CCDC73: variants seen among roughly 807,000 people sequenced by gnomAD.
CCDC73 encodes coiled-coil domain-containing protein 73.
A neutral mutation model predicts 116.5 loss-of-function variants in CCDC73; 95 were observed. The ratio of observed to expected loss-of-function variants is 0.82; its 90% CI spans 0.69 to 0.97. The LOEUF (loss-of-function observed/expected upper bound fraction) is 0.97. Among genes scored for constraint, CCDC73 ranks in the 50% least tolerant of loss-of-function variants. The pLI, the probability that CCDC73 is intolerant of heterozygous loss-of-function variation, is 0.00. For synonymous variants in CCDC73, 398 were observed against 401.3 expected (o/e 0.99, Z 0.10); for missense variants, 1,066 against 1,206.8 (o/e 0.88, Z 1.73).
At chr11:32,619,233 C>T (rs759801205) in intron 14 of CCDC73, among the ~76,000 whole-genome samples, 1 of 151,986 alleles carries the variant, frequency 6.6e-6, no homozygotes, top group African/African-American at 2.4e-5. Context: ...GTCATAAATT[C>T]TTTCCCAAGG....
At chr11:32,695,313 G>A (rs1391407104) in intron 6 of CCDC73, among the ~76,000 whole-genome samples, 3 of 151,096 alleles carry the variant, frequency 2.0e-5, no homozygotes, top group Non-Finnish European at 4.4e-5. Flanking sequence ...AAGTTGCAAT[G>A]AGCCGAGATC....
rs187631373 is a variant in CCDC73, at chr11:32,675,642, G to A, written c.568C>T (p.Arg190Trp). 413 of 1,582,292 alleles carry A rather than the reference G, an allele frequency of 2.6e-4. No homozygotes were observed. In the African/African-American group the frequency reaches 4.7e-3, roughly 18 times the overall value. ...ENHEKLEQNV[R>W]EAIQSNKRLS... Reference sequence around the variant, plus strand: ...CTTTTGTTTGATTGTATTGCTTCCCGTACTGCAACATGAAAGACATTTAAG... The same window carrying A: ...CTTTTGTTTGATTGTATTGCTTCCCATACTGCAACATGAAAGACATTTAAG... The change falls in exon 9 of 18, where the codon CGG (arginine) becomes TGG (tryptophan). Residue 190 changes from arginine to tryptophan, a missense_variant and splice_region_variant. Arg to Trp is a moderately radical substitution (Grantham distance 101). Transcript: ENST00000335185.
intron 6 of CCDC73, among the ~76,000 whole-genome samples, chr11:32,695,387 C>T (rs559443783): frequency 1.0e-4 from 15 of 146,086 alleles, no homozygotes; most frequent in African/African-American, 3.7e-4. Context: ...AAAAAAAGAG[C>T]TTGCCTACAG....
chr11:32,703,829 T>C (rs961836586), intron 3 of CCDC73, among the ~76,000 whole-genome samples: 4 of 152,384 alleles, frequency 2.6e-5, no homozygotes, highest in Admixed American at 2.6e-4. Context: ...CTATTCTAGA[T>C]GACTTTAACA....
intron 2 of CCDC73, among the ~76,000 whole-genome samples, chr11:32,757,088 T>C (rs949365101): frequency 3.3e-5 from 5 of 152,144 alleles, no homozygotes; most frequent in Non-Finnish European, 7.4e-5. Context: ...ATGGTACATT[T>C]ATATTATAGA....
At chr11:32,652,440 G>C (rs150012752) in intron 12 of CCDC73, among the ~76,000 whole-genome samples, 191 of 152,260 alleles carry the variant, frequency 1.3e-3, no homozygotes, top group African/African-American at 4.5e-3. Flanking sequence ...CCTTTCTACA[G>C]CATTTCAAGC....
At chr11:32,650,612 CT>C (rs1205416539) in intron 12 of CCDC73, among the ~76,000 whole-genome samples, 1 of 152,048 alleles carries the variant, frequency 6.6e-6, no homozygotes, top group African/African-American at 2.4e-5. Flanking sequence ...TTCAGAGAAA[CT>C]TTTTTTGCTA....
chr11:32,783,460 A>G (rs1850600172), intron 1 of CCDC73, among the ~76,000 whole-genome samples: 1 of 152,172 alleles, frequency 6.6e-6, no homozygotes, highest in Admixed American at 6.5e-5. Context: ...AGATGACTAT[A>G]ACAAAATATC....
intron 12 of CCDC73, among the ~76,000 whole-genome samples, chr11:32,650,889 A>G (rs1295779226): frequency 6.6e-6 from 1 of 152,230 alleles, no homozygotes; most frequent in Non-Finnish European, 1.5e-5. Flanking sequence ...CAGGGAAAAA[A>G]GTGCTACTAA....
intron 2 of CCDC73, among the ~76,000 whole-genome samples, chr11:32,759,327 CTTTTT>C (rs1208029392): frequency 7.7e-6 from 1 of 129,956 alleles, no homozygotes; most frequent in Non-Finnish European, 1.6e-5. Flanking sequence ...ACATTTTTTC[CTTTTT>C]TTTTTTTTTT....
At chr11:32,825,469 A>C in the CCDC73 span, among the ~76,000 whole-genome samples, 1 of 151,784 alleles carries the variant, frequency 6.6e-6, no homozygotes. Flanking sequence ...CACCTGGCTA[A>C]TTTTGTATTT....
intron 2 of CCDC73, among the ~76,000 whole-genome samples, chr11:32,754,878 CTTTTTT>C (rs34982926): frequency 0.023 from 1,964 of 86,580 alleles, 58 homozygotes; most frequent in African/African-American, 0.075. Flanking sequence ...ATGGCTTCAA[CTTTTTT>C]TTTTTTTTTT....
chr11:32,677,916 C>T (rs1355364392), intron 7 of CCDC73, among the ~76,000 whole-genome samples: 4 of 133,914 alleles, frequency 3.0e-5, no homozygotes, highest in Non-Finnish European at 6.2e-5. Context: ...CGTGACACTG[C>T]ACTCCAGCCT....
rs1855848143 is a variant in CCDC73 at position 32,653,854 on chromosome 11, C to T, written c.834+124G>A. On this transcript the variant is annotated intron_variant, in intron 11 of 17. Transcript: ENST00000335185. ...TGAGACTGATTTTAAAAAGTATACACATGTACATTTAATACACATTAACTG... is the reference window on the plus strand; with the variant it reads ...TGAGACTGATTTTAAAAAGTATACATATGTACATTTAATACACATTAACTG... 1.0e-5 allele frequency: 11 copies of T among 1,091,210 alleles called. No homozygotes were observed. The Admixed American group carries it at 1.7e-4, about 17-fold the overall frequency. The allele number at this position is 1,091,210 out of a possible 1,614,324, so 67.6% of individuals were successfully genotyped here.
intron 9 of CCDC73, among the ~76,000 whole-genome samples, chr11:32,666,723 G>C (rs866877736): frequency 2.0e-5 from 3 of 152,178 alleles, no homozygotes; most frequent in Non-Finnish European, 2.9e-5. Flanking sequence ...CCTTTGGAGG[G>C]GGAGAGGTAC....
intron 2 of CCDC73, among the ~76,000 whole-genome samples, chr11:32,755,801 G>A (rs1214859318): frequency 8.2e-6 from 1 of 122,076 alleles, no homozygotes; most frequent in Non-Finnish European, 1.7e-5. Context: ...CCATATATGT[G>A]TATATATATA....
In CCDC73 at chr11:32,690,561, C is replaced by T. The variant is rs893930043; in HGVS notation, c.391-6987G>A. Among the ~76,000 whole-genome samples, 9 of 152,184 alleles carry T rather than the reference C, an allele frequency of 5.9e-5. 1 individual carries two copies. The highest frequency in any genetic ancestry group is 5.2e-4 in the Admixed American group (8 of 15,274). On this transcript the variant is annotated intron_variant, in intron 6 of 17. Coordinates refer to ENST00000335185, the MANE Select transcript of CCDC73 (RefSeq NM_001008391.4). ...GCAGTTTCTAATGGTTAGCACCGTC[C>T]CCCTAGTGCTGCCTCATGACGGAAT...
intron 1 of CCDC73, among the ~76,000 whole-genome samples, chr11:32,785,120 A>T (rs899684960): frequency 6.6e-6 from 1 of 152,066 alleles, no homozygotes; most frequent in Non-Finnish European, 1.5e-5. Context: ...GAGCTGAGAC[A>T]GCGCTACTAT....
At chr11:32,619,285 T>C (rs1015565853) in intron 14 of CCDC73, among the ~76,000 whole-genome samples, 4 of 152,350 alleles carry the variant, frequency 2.6e-5, no homozygotes, top group Non-Finnish European at 5.9e-5. Context: ...CTTTTAGTAT[T>C]CTAATGCACA....
Sources: gnomAD v4.1 joint callset for allele counts (sites outside exome capture counted in the v4.1 genomes callset) on GRCh38, gnomAD v4.1.1 for gene constraint, MANE v1.5 for transcripts, NCBI Gene and HGNC (gene_info 2026-07-23, HGNC 2026-07-21) for gene names.